SPTBN4: variants seen among roughly 807,000 people sequenced by gnomAD.
SPTBN4 encodes spectrin beta chain, non-erythrocytic 4.
Under a neutral mutation model 277.8 loss-of-function variants are expected in SPTBN4, and 96 were observed. The ratio of observed to expected loss-of-function variants is 0.35; its 90% confidence interval spans 0.29 to 0.41. SPTBN4 has a LOEUF of 0.41. Ranked by LOEUF, SPTBN4 falls within the 10% of genes least tolerant of loss-of-function variation. The pLI is 1.00. For missense variants in SPTBN4, 3,006 were observed against 3,595.7 expected (o/e 0.84, Z 4.19); for synonymous variants, 1,481 against 1,580.3 (o/e 0.94, Z 1.49).
rs2079875675 is a variant in SPTBN4, at chr19:40,470,778, G to A, written c.-15-1829G>A. Among the ~76,000 whole-genome samples, 4 of 150,856 alleles carry A rather than the reference G, an allele frequency of 2.7e-5. No individual in the cohort carries two copies. The Admixed American group carries it at 2.7e-4, about 10-fold the overall frequency. ...CTCCTGAGTAGCTGAGATTACAGTA[G>A]CCCGAAACCACACCCAGCTAATTTT... On this transcript the variant is annotated intron_variant, in intron 1 of 35. Transcript: ENST00000598249.
Position 40,554,766 on chromosome 19 carries a change from C to A in SPTBN4, c.5084+120C>A. ...TGGGAGAGGTCCTCCTTGCTGTGTG[C>A]TGGAGCCCTCGAATTTGGCAAGTGG... is the stretch of plus-strand genomic sequence containing the variant. On this transcript the variant is annotated intron_variant, in intron 24 of 35. Transcript: ENST00000598249. This position sits in a 1 kb window ranked among gnomAD's most constrained non-coding sequence, Gnocchi z 5.7. 2 of 1,468,782 alleles carry A rather than the reference C, an allele frequency of 1.4e-6. No individual in the cohort carries two copies. Among genetic ancestry groups the A allele is most frequent in the Non-Finnish European group, 1.8e-6 (2 of 1,087,500 alleles). The allele number at this position is 1,468,782 out of a possible 1,614,324, so 91.0% of individuals were successfully genotyped here. A position where few individuals can be genotyped will look rare whatever the true frequency, so the allele number is the denominator to read the frequency against.
Position 40,472,870 on chromosome 19 carries a change from G to T in SPTBN4, c.169+80G>T, listed in dbSNP as rs568703442. On this transcript the variant is annotated intron_variant, in intron 2 of 35. Coordinates refer to ENST00000598249, the MANE Select transcript of SPTBN4 (RefSeq NM_020971.3). ...CCCGAGAACCTTGGTGGCTGGGAGG[G>T]TGGGAAAAGAGACCAGCACTGTCCA... The T allele has an allele frequency of 4.0e-5, 56 of 1,403,462 alleles. 1 individual carries two copies. In the South Asian group the frequency reaches 7.4e-4, roughly 19 times the overall value. The allele number at this position is 1,403,462 out of a possible 1,614,324, so 86.9% of individuals were successfully genotyped here. A position where few individuals can be genotyped will look rare whatever the true frequency, so the allele number is the denominator to read the frequency against.
chr19:40,554,799 G>C lies in SPTBN4; in HGVS notation c.5084+153G>C. 4 of 1,166,212 alleles carry C rather than the reference G, an allele frequency of 3.4e-6. No homozygotes were observed. Among genetic ancestry groups the C allele is most frequent in the Non-Finnish European group, 4.9e-6 (4 of 821,602 alleles). The allele number at this position is 1,166,212 out of a possible 1,614,324, so 72.2% of individuals were successfully genotyped here. A position where few individuals can be genotyped will look rare whatever the true frequency, so the allele number is the denominator to read the frequency against. ...CTCGAATTTGGCAAGTGGGCGGGCC[G>C]GAATGGGGGGACACGGCTCAGGGAT... On this transcript the variant is annotated intron_variant, in intron 24 of 35. Transcript: ENST00000598249. The surrounding 1 kb of genome is among the most constrained non-coding windows in gnomAD (Gnocchi z 5.7).
At chr19:40,489,078 G>GTC (rs2145826282) in intron 3 of SPTBN4, among the ~76,000 whole-genome samples, 1 of 151,686 alleles carries the variant, frequency 6.6e-6, no homozygotes, top group African/African-American at 2.4e-5. Flanking sequence ...GGCACCTGTA[G>GTC]TCCCAGCTGC....
chr19:40,521,599 T>C (rs1164535302), intron 16 of SPTBN4, among the ~76,000 whole-genome samples: 4 of 152,182 alleles, frequency 2.6e-5, no homozygotes, highest in Non-Finnish European at 1.5e-5. Context: ...GCTGCTGATC[T>C]GACAGGAGGC....
chr19:40,499,030 A>T (rs1398729746), intron 7 of SPTBN4, among the ~76,000 whole-genome samples: 1 of 150,724 alleles, frequency 6.6e-6, no homozygotes, highest in East Asian at 2.0e-4. Context: ...TCTTATGTTC[A>T]TTTATTTATT....
intron 35 of SPTBN4, among the ~76,000 whole-genome samples, chr19:40,573,266 T>C (rs1028266061): frequency 1.3e-5 from 2 of 152,124 alleles, no homozygotes; most frequent in African/African-American, 4.8e-5. Flanking sequence ...GAGCTGTGAT[T>C]GTACTATGGC....
At chr19:40,532,290 G>T (rs914463884) in intron 18 of SPTBN4, among the ~76,000 whole-genome samples, 46 of 12,210 alleles carry the variant, frequency 3.8e-3, no homozygotes, top group African/African-American at 0.037. Context: ...GCTTGTTTTG[G>T]GGGGGGTGAT....
At chr19:40,473,868 G>C (rs115373107) in intron 2 of SPTBN4, among the ~76,000 whole-genome samples, 2 of 151,742 alleles carry the variant, frequency 1.3e-5, no homozygotes, top group African/African-American at 4.8e-5. Flanking sequence ...CTGGCCTGGC[G>C]CGGTGGCTCA....
At position 40,572,012 on chromosome 19, in the gene SPTBN4, G is replaced by T. The variant is rs368203484; in HGVS notation, c.7320-7G>T. ...GCTCTGCCTTGAGCCCCATCTTGTC[G>T]CTCCAGGTCGTGGGTGAGCCTGTAC... On this transcript the variant is annotated splice_polypyrimidine_tract_variant and splice_region_variant and intron_variant, in intron 33 of 35. Coordinates refer to ENST00000598249, the MANE Select transcript of SPTBN4 (RefSeq NM_020971.3). The T allele has an allele frequency of 7.2e-6, 11 of 1,532,976 alleles. No homozygotes were observed. The highest frequency in any genetic ancestry group is 4.4e-6 in the Non-Finnish European group (5 of 1,139,600). 95.0% of individuals were successfully genotyped at this position (1,532,976 alleles called of 1,614,324 possible).
intron 14 of SPTBN4, among the ~76,000 whole-genome samples, chr19:40,513,773 C>A (rs2080423006): frequency 6.6e-6 from 1 of 152,182 alleles, no homozygotes; most frequent in African/African-American, 2.4e-5. Flanking sequence ...CCTACCCAGG[C>A]TTGTGATGAA....
chr19:40,541,734 T>C (rs1287717601), intron 20 of SPTBN4, among the ~76,000 whole-genome samples: 2 of 152,104 alleles, frequency 1.3e-5, no homozygotes, highest in East Asian at 3.9e-4. Flanking sequence ...ACTCTCTCAC[T>C]CCCTTCTCTC....
rs1568766011 is a variant in SPTBN4 at position 40,487,725 on chromosome 19, C to A, written c.198C>A (p.Thr66=). 3 of 1,613,496 alleles carry A rather than the reference C, an allele frequency of 1.9e-6. No individual in the cohort carries two copies. Among genetic ancestry groups the A allele is most frequent in the Non-Finnish European group, 2.5e-6 (3 of 1,179,736 alleles). Residue 66 remains threonine (T), a synonymous_variant, in exon 3 of 36, where the codon ACC becomes ACA. Coordinates refer to ENST00000598249, the MANE Select transcript of SPTBN4 (RefSeq NM_020971.3). Reference sequence around the variant, plus strand: ...AGCGGGAAGCCGTGCAGAAGAAAACCTTCACCAAGTGGGTGAACTCGCACC... The same window carrying A: ...AGCGGGAAGCCGTGCAGAAGAAAACATTCACCAAGTGGGTGAACTCGCACC... ...ADEREAVQKK[T]FTKWVNSHLA...
chr19:40,560,337 A>T lies in SPTBN4; in HGVS notation c.5849A>T (p.Gln1950Leu), dbSNP rs762421308. 6.2e-7 allele frequency: 1 copy of T among 1,614,112 alleles called. No homozygotes were observed. The highest frequency in any genetic ancestry group is 8.5e-7 in the Non-Finnish European group (1 of 1,180,024). Residue 1950 changes from glutamine to leucine, a missense_variant, in exon 27 of 36, where the codon CAA (glutamine) becomes CTA (leucine). Gln to Leu is a moderately radical substitution (Grantham distance 113, BLOSUM62 -2). Transcript: ENST00000598249. This position sits in a 1 kb window ranked among gnomAD's most constrained non-coding sequence, Gnocchi z 5.2. ...GCCGACGCCCTGCGCTTCCACAGCC[A>T]AGTCCGCGACCTGCTCTCCTGGATG... Reference protein sequence around the residue: ...STADALRFHSQVRDLLSWMDG... With the variant: ...STADALRFHSLVRDLLSWMDG...
chr19:40,494,615 G>C (rs886561300), intron 5 of SPTBN4, among the ~76,000 whole-genome samples: 1 of 148,652 alleles, frequency 6.7e-6, no homozygotes, highest in African/African-American at 2.6e-5. Flanking sequence ...TCTATTATCT[G>C]TCTATCATCT....
intron 27 of SPTBN4, among the ~76,000 whole-genome samples, chr19:40,561,799 GTGA>G (rs2081045029): frequency 6.7e-6 from 1 of 149,958 alleles, no homozygotes. Context: ...TCCAGCCTGG[GTGA>G]CAAGAGCAAA....
chr19:40,493,037 T>C lies in SPTBN4; in HGVS notation c.570T>C (p.Cys190=). 1.2e-6 allele frequency: 2 copies of C among 1,614,012 alleles called. No homozygotes were observed. The highest frequency in any genetic ancestry group is 1.7e-6 in the Non-Finnish European group (2 of 1,179,984). The change falls in exon 5 of 36, where the codon TGT becomes TGC. Residue 190 remains cysteine, a synonymous_variant. Transcript: ENST00000598249. ...CCAAGGATGCTCTGCTCTTGTGGTG[T>C]CAGATGAAGACAGCTGGGTAAGCAC... ...RSAKDALLLW[C]QMKTAGYPEV... is the part of the protein sequence containing the mutation.
intron 11 of SPTBN4, among the ~76,000 whole-genome samples, chr19:40,503,270 T>C (rs1282492282): frequency 6.6e-6 from 1 of 151,994 alleles, no homozygotes; most frequent in African/African-American, 2.4e-5. Flanking sequence ...ATTGGTTTCC[T>C]AAGTAACAGA....
At position 40,509,615 on chromosome 19, in the gene SPTBN4, A is replaced by C. The variant is rs560314132; in HGVS notation, c.1817-2991A>C. Among the ~76,000 whole-genome samples, 4 of 152,148 alleles carry C rather than the reference A, an allele frequency of 2.6e-5. No individual in the cohort carries two copies. The East Asian group carries it at 5.8e-4, about 22-fold the overall frequency. ...TGCTGACGGCAGTTGGGGCTGCTTT[A>C]TTTCTTTCTCACTGATGAGGAAACT... On this transcript the variant is annotated intron_variant, in intron 13 of 35. Transcript: ENST00000598249.
Sources: allele counts gnomAD v4.1 joint callset (sites outside exome capture counted in the v4.1 genomes callset), GRCh38; gene constraint gnomAD v4.1.1; non-coding constraint Gnocchi (gnomAD v3.1); transcripts MANE v1.5; gene names NCBI Gene and HGNC (gene_info 2026-07-23, HGNC 2026-07-21).